NTM: variants seen among roughly 807,000 people sequenced by gnomAD.
The protein encoded by NTM is IgLON family member 2.
NTM carries 13 observed loss-of-function variants against 42.1 expected under a neutral mutation model. The ratio of observed to expected loss-of-function variants is 0.31; its 90% confidence interval spans 0.20 to 0.49. The LOEUF (loss-of-function observed/expected upper bound fraction) is 0.49. Ranked by LOEUF, NTM falls within the 20% of genes least tolerant of loss-of-function variation. NTM has a pLI of 0.99. For synonymous variants in NTM, 187 were observed against 179.2 expected, an observed-to-expected ratio of 1.04 and a Z score of -0.35; for missense variants, 373 against 452.8, an observed-to-expected ratio of 0.82 and a Z score of 1.60.
chr11:131,872,259 C>G (rs1448795116), intron 1 of NTM, among the ~76,000 whole-genome samples: 3 of 152,150 alleles, frequency 2.0e-5, no homozygotes, highest in Non-Finnish European at 4.4e-5. Flanking sequence ...AAAGTCCTCC[C>G]TGGAGTTTTA....
Position 132,120,831 on chromosome 11 carries a change from A to G in NTM, c.168-25451A>G, listed in dbSNP as rs116518012. Among the ~76,000 whole-genome samples the G allele has an allele frequency of 2.0e-3, 309 of 152,270 alleles. 1 individual carries two copies. The highest frequency in any genetic ancestry group is 6.3e-3 in the African/African-American group (261 of 41,552). On this transcript the variant is annotated intron_variant, in intron 2 of 8. Coordinates refer to ENST00000683400, the MANE Select transcript of NTM (RefSeq NM_001352005.2). ...CAGTTTATTTGTCGTCTGAACCCCA[A>G]GGTGCCTCTTGGTAGAGTATGCATA...
chr11:132,260,245 A>C (rs1003398109), intron 4 of NTM, among the ~76,000 whole-genome samples: 1 of 135,426 alleles, frequency 7.4e-6, no homozygotes, highest in Non-Finnish European at 1.6e-5. Context: ...AAATCTAAAA[A>C]ATCACCCAGC....
intron 1 of NTM, among the ~76,000 whole-genome samples, chr11:131,609,223 C>T (rs556301469): frequency 9.2e-5 from 14 of 152,200 alleles, no homozygotes; most frequent in East Asian, 1.9e-4. Context: ...CCCTGAGGCA[C>T]GCAGGCACTA....
intron 2 of NTM, among the ~76,000 whole-genome samples, chr11:132,135,135 A>G (rs2067646625): frequency 6.6e-6 from 1 of 151,862 alleles, no homozygotes. Flanking sequence ...GTCCCAGGAG[A>G]CAGAAATGTT....
At chr11:131,921,887 A>T (rs909367102) in intron 2 of NTM, among the ~76,000 whole-genome samples, 1 of 151,596 alleles carries the variant, frequency 6.6e-6, no homozygotes, top group Non-Finnish European at 1.5e-5. Flanking sequence ...CAGACCCCCA[A>T]CCCCAGGGCC....
chr11:131,545,553 AC>A (rs1274548994), intron 1 of NTM, among the ~76,000 whole-genome samples: 20 of 152,318 alleles, frequency 1.3e-4, no homozygotes, highest in Admixed American at 1.3e-3. Flanking sequence ...AGTCTTCTTG[AC>A]ATCAGTCTCT....
chr11:131,432,845 T>A (rs1401603292), intron 1 of NTM, among the ~76,000 whole-genome samples: 16 of 12,310 alleles, frequency 1.3e-3, no homozygotes, highest in Non-Finnish European at 1.8e-3. Flanking sequence ...CATTCTTTTT[T>A]TTTTTTTTTT....
At chr11:132,060,792 T>G (rs2080534477) in intron 2 of NTM, among the ~76,000 whole-genome samples, 1 of 152,246 alleles carries the variant, frequency 6.6e-6, no homozygotes, top group South Asian at 2.1e-4. Flanking sequence ...GTGTATTTCC[T>G]GCTTCATATA....
rs34722610 is a variant in NTM at position 131,881,477 on chromosome 11, TACACACACACAC to T, written c.83-30066_83-30055del. On this transcript the variant is annotated intron_variant, in intron 1 of 8. Transcript: ENST00000683400. The stretch of plus-strand genomic sequence containing the variant: ...TAAAATGTAATTGTGAGCTCTCAGT[TACACACACACAC>T]ACACACACACACACACACACCCCCC... Among the ~76,000 whole-genome samples, 24 of 104,710 alleles carry T rather than the reference TACACACACACAC, an allele frequency of 2.3e-4. No homozygotes were observed. The South Asian group carries it at 2.7e-3, about 12-fold the overall frequency. 68.7% of individuals were successfully genotyped at this position (104,710 alleles called of 152,430 possible).
At chr11:131,553,763 C>T (rs928709813) in intron 1 of NTM, among the ~76,000 whole-genome samples, 7 of 152,162 alleles carry the variant, frequency 4.6e-5, no homozygotes, top group East Asian at 3.8e-4. Flanking sequence ...GGGACCCTCC[C>T]GAAATGCAAA....
chr11:131,774,581 AT>A (rs141073287), intron 1 of NTM, among the ~76,000 whole-genome samples: 1 of 152,094 alleles, frequency 6.6e-6, no homozygotes, highest in Non-Finnish European at 1.5e-5. Context: ...GGAGTGTAAG[AT>A]TTTTTGGCTC....
intron 1 of NTM, among the ~76,000 whole-genome samples, chr11:131,497,941 C>T (rs1386253526): frequency 1.3e-5 from 2 of 152,154 alleles, no homozygotes; most frequent in Non-Finnish European, 2.9e-5. Flanking sequence ...TTTAAAATAG[C>T]CAGTCAGAAT....
intron 2 of NTM, among the ~76,000 whole-genome samples, chr11:132,020,704 T>A (rs2074205234): frequency 6.6e-6 from 1 of 152,174 alleles, no homozygotes; most frequent in African/African-American, 2.4e-5. Flanking sequence ...CTTGAATATA[T>A]GTTATCCCAT....
chr11:132,245,939 C>A (rs2091060526), intron 4 of NTM, among the ~76,000 whole-genome samples: 1 of 152,186 alleles, frequency 6.6e-6, no homozygotes, highest in Non-Finnish European at 1.5e-5. Flanking sequence ...CTTCTCTACT[C>A]ATCCCAGCTG....
At chr11:131,787,547 A>G (rs2089473421) in intron 1 of NTM, among the ~76,000 whole-genome samples, 1 of 151,676 alleles carries the variant, frequency 6.6e-6, no homozygotes, top group Non-Finnish European at 1.5e-5. Flanking sequence ...CACCATGCCC[A>G]GCTAATTTTT....
chr11:132,204,119 G>T (rs2081580917), intron 3 of NTM, among the ~76,000 whole-genome samples: 1 of 152,112 alleles, frequency 6.6e-6, no homozygotes, highest in Non-Finnish European at 1.5e-5. Flanking sequence ...AGGTAGACCT[G>T]GGCAGTTGGT....
rs190693755 is a variant in NTM, at chr11:132,028,630, G to A, written c.167+116982G>A. Among the ~76,000 whole-genome samples the A allele has an allele frequency of 4.9e-4, 74 of 152,184 alleles. 1 individual carries two copies. The East Asian group carries it at 0.011, about 22-fold the overall frequency. On this transcript the variant is annotated intron_variant, in intron 2 of 8. Coordinates refer to ENST00000683400, the MANE Select transcript of NTM (RefSeq NM_001352005.2). ...TATTTTACTAAGCCTGTGCCCCTGCGCCGTGAGCTTCACAAGTGTGTCTCA... is the reference window on the plus strand; with the variant it reads ...TATTTTACTAAGCCTGTGCCCCTGCACCGTGAGCTTCACAAGTGTGTCTCA...
chr11:132,016,991 G>A (rs1478747582), intron 2 of NTM, among the ~76,000 whole-genome samples: 1 of 151,818 alleles, frequency 6.6e-6, no homozygotes, highest in Non-Finnish European at 1.5e-5. Context: ...TAATTGAGTT[G>A]TTTATCTTCT....
chr11:132,270,620 C>T (rs1190035299), intron 4 of NTM, among the ~76,000 whole-genome samples: 2 of 151,362 alleles, frequency 1.3e-5, no homozygotes, highest in African/African-American at 2.4e-5. Flanking sequence ...CTGTTATGAA[C>T]ATTTTTGTAT....
Sources: allele counts gnomAD v4.1 joint callset (sites outside exome capture counted in the v4.1 genomes callset), GRCh38; gene constraint gnomAD v4.1.1; transcripts MANE v1.5; gene names NCBI Gene and HGNC (gene_info 2026-07-23, HGNC 2026-07-21).